MACROD2: variants seen among roughly 807,000 people sequenced by gnomAD.
MACROD2 encodes ADP-ribose glycohydrolase MACROD2.
Under a neutral mutation model 70.4 loss-of-function variants are expected in MACROD2, and 36 were observed. The observed-to-expected ratio is 0.51, with a 90% confidence interval of 0.39 to 0.68. The LOEUF (loss-of-function observed/expected upper bound fraction) is 0.68, where lower values mean the gene tolerates loss of function less well. Ranked by LOEUF, MACROD2 falls within the 30% of genes least tolerant of loss-of-function variation. MACROD2 has a pLI of 0.00. For missense variants in MACROD2, 496 were observed against 538.4 expected (o/e 0.92, Z 0.78); for synonymous variants, 172 against 178.8 (o/e 0.96, Z 0.30).
chr20:15,534,294 G>GTA (rs1439716226), intron 8 of MACROD2, among the ~76,000 whole-genome samples: 1 of 152,178 alleles, frequency 6.6e-6, no homozygotes, highest in Non-Finnish European at 1.5e-5. Context: ...ATTGAAAAAT[G>GTA]TATAGCTAGA....
rs182857270 is a variant in MACROD2, at chr20:14,553,523, T to C, written c.301+60015T>C. Among the ~76,000 whole-genome samples the C allele has an allele frequency of 2.6e-5, 4 of 152,066 alleles. No homozygotes were observed. In the East Asian group the frequency reaches 7.8e-4, roughly 30 times the overall value. On this transcript the variant is annotated intron_variant, in intron 4 of 17. Coordinates refer to ENST00000684519, the MANE Select transcript of MACROD2 (RefSeq NM_001351661.2). Reference sequence around the variant, plus strand: ...TCTTTCATTATCAATTATTATGTACTGTAAATAATTGTATGTACTATACTT... The same window carrying C: ...TCTTTCATTATCAATTATTATGTACCGTAAATAATTGTATGTACTATACTT...
chr20:15,443,247 A>C (rs1412411371), intron 7 of MACROD2, among the ~76,000 whole-genome samples: 1 of 152,086 alleles, frequency 6.6e-6, no homozygotes, highest in African/African-American at 2.4e-5. Flanking sequence ...TGTACCTAGG[A>C]ACTCTGGGGA....
intron 5 of MACROD2, among the ~76,000 whole-genome samples, chr20:15,115,577 C>A (rs547838819): frequency 1.7e-4 from 26 of 152,196 alleles, no homozygotes; most frequent in Non-Finnish European, 3.4e-4. Flanking sequence ...CCCAAACATG[C>A]AGGGTTTCAA....
At chr20:14,417,062 CTATCATCT>C (rs1446942342) in intron 3 of MACROD2, among the ~76,000 whole-genome samples, 25 of 73,092 alleles carry the variant, frequency 3.4e-4, no homozygotes, top group African/African-American at 6.7e-4. Context: ...ATCTATCTAT[CTATCATCT>C]ATCTATCTAT....
chr20:15,240,036 T>A (rs779995052), intron 6 of MACROD2, among the ~76,000 whole-genome samples: 12 of 152,128 alleles, frequency 7.9e-5, no homozygotes, highest in Non-Finnish European at 1.3e-4. Flanking sequence ...GGGGTTTACC[T>A]CCATTTCTGT....
At chr20:14,142,152 C>T (rs2054884616) in intron 3 of MACROD2, among the ~76,000 whole-genome samples, 1 of 152,088 alleles carries the variant, frequency 6.6e-6, no homozygotes, top group Admixed American at 6.6e-5. Context: ...TTTAGTTTCC[C>T]TTTTTTTCCT....
At chr20:15,680,304 G>A (rs1378436948) in intron 8 of MACROD2, among the ~76,000 whole-genome samples, 2 of 152,186 alleles carry the variant, frequency 1.3e-5, no homozygotes, top group African/African-American at 4.8e-5. Flanking sequence ...TATCAAGTCT[G>A]TAAGCCCAGG....
intron 5 of MACROD2, among the ~76,000 whole-genome samples, chr20:14,948,041 C>T (rs2074446845): frequency 6.6e-6 from 1 of 152,154 alleles, no homozygotes; most frequent in African/African-American, 2.4e-5. Context: ...CAAGTATTTC[C>T]CCTCCAAGGC....
intron 10 of MACROD2, among the ~76,000 whole-genome samples, chr20:15,928,261 A>G (rs752215745): frequency 4.6e-5 from 7 of 152,226 alleles, no homozygotes; most frequent in Non-Finnish European, 1.0e-4. Context: ...CTGTTCTTGC[A>G]ACATTCTGTT....
chr20:14,007,977 A>T (rs969012973), intron 2 of MACROD2, among the ~76,000 whole-genome samples: 4 of 152,220 alleles, frequency 2.6e-5, no homozygotes, highest in African/African-American at 7.2e-5. Flanking sequence ...AAATATTTTT[A>T]AAAATTGGTC....
chr20:14,555,963 T>A (rs1012979887), intron 4 of MACROD2, among the ~76,000 whole-genome samples: 1 of 152,058 alleles, frequency 6.6e-6, no homozygotes, highest in Non-Finnish European at 1.5e-5. Flanking sequence ...AAATATTCTA[T>A]TGTGTTCTCA....
intron 4 of MACROD2, among the ~76,000 whole-genome samples, chr20:14,546,900 G>T (rs965225027): frequency 1.3e-5 from 2 of 151,320 alleles, no homozygotes; most frequent in South Asian, 4.2e-4. Flanking sequence ...CTTATAGTAG[G>T]TGCTCACCCA....
At chr20:15,930,733 G>A (rs1601156220) in intron 10 of MACROD2, among the ~76,000 whole-genome samples, 1 of 152,150 alleles carries the variant, frequency 6.6e-6, no homozygotes, top group South Asian at 2.1e-4. Context: ...GTTCTAGGGA[G>A]GGGGGTAGCA....
intron 8 of MACROD2, among the ~76,000 whole-genome samples, chr20:15,707,570 G>C (rs1226077568): frequency 6.6e-6 from 1 of 152,158 alleles, no homozygotes; most frequent in African/African-American, 2.4e-5. Flanking sequence ...GATTACTTGA[G>C]TTCAGGAATT....
intron 8 of MACROD2, among the ~76,000 whole-genome samples, chr20:15,828,641 T>C (rs998958705): frequency 1.4e-4 from 21 of 152,342 alleles, no homozygotes; most frequent in Admixed American, 7.2e-4. Context: ...TATGTGGCAA[T>C]GCACCCATGA....
chr20:15,460,520 G>A (rs1261696733), intron 7 of MACROD2, among the ~76,000 whole-genome samples: 1 of 152,158 alleles, frequency 6.6e-6, no homozygotes, highest in East Asian at 1.9e-4. Flanking sequence ...CAGTGGTCTG[G>A]GTTTCTACTG....
At chr20:14,037,473 T>C (rs1172758607) in intron 2 of MACROD2, among the ~76,000 whole-genome samples, 1 of 152,200 alleles carries the variant, frequency 6.6e-6, no homozygotes, top group Non-Finnish European at 1.5e-5. Context: ...GATACCAATA[T>C]TTTGTATTGG....
At chr20:15,633,318 C>T (rs1434221159) in intron 8 of MACROD2, among the ~76,000 whole-genome samples, 2 of 152,040 alleles carry the variant, frequency 1.3e-5, no homozygotes. Flanking sequence ...TAAAACTGGA[C>T]CTTACAGTAA....
In MACROD2 at chr20:15,030,465, C is replaced by G. The variant is rs2075265893; in HGVS notation, c.419-199475C>G. On this transcript the variant is annotated intron_variant, in intron 5 of 17. Transcript: ENST00000684519. ...ATTGCCCTTCGGTAAAATTTTGAGGCATGTTCTACACAATGTCCCAGAAAT... is the reference window on the plus strand; with the variant it reads ...ATTGCCCTTCGGTAAAATTTTGAGGGATGTTCTACACAATGTCCCAGAAAT... Among the ~76,000 whole-genome samples, 3 of 152,138 alleles carry G rather than the reference C, an allele frequency of 2.0e-5. No homozygotes were observed. The South Asian group carries it at 6.2e-4, about 32-fold the overall frequency.
Sources: gnomAD v4.1 joint callset for allele counts (sites outside exome capture counted in the v4.1 genomes callset) on GRCh38, gnomAD v4.1.1 for gene constraint, MANE v1.5 for transcripts, NCBI Gene and HGNC (gene_info 2026-07-23, HGNC 2026-07-21) for gene names.